ZNF479: variants seen among roughly 807,000 people sequenced by gnomAD.
ZNF479 encodes zinc finger protein 479.
Under a neutral mutation model 14.7 loss-of-function variants are expected in ZNF479, and 15 were observed. The ratio of observed to expected loss-of-function variants is 1.02; its 90% confidence interval spans 0.68 to 1.57. The LOEUF (loss-of-function observed/expected upper bound fraction) is 1.57, where lower values mean the gene tolerates loss of function less well. Among genes scored for constraint, ZNF479 ranks in the 40% most tolerant of loss-of-function variants. ZNF479 has a pLI of 0.00. For synonymous variants in ZNF479, 145 were observed against 211.5 expected (o/e 0.69, Z 2.73); for missense variants, 506 against 615.1 (o/e 0.82, Z 1.88).
At chr7:57,121,669 C>T (rs1322550919) in intron 3 of ZNF479, among the ~76,000 whole-genome samples, 2 of 152,154 alleles carry the variant, frequency 1.3e-5, no homozygotes, top group African/African-American at 4.8e-5. Flanking sequence ...ATCCCAGAAT[C>T]TCTACCAAAG....
chr7:57,130,797 T>A (rs1786380629), intron 1 of ZNF479, among the ~76,000 whole-genome samples: 1 of 152,178 alleles, frequency 6.6e-6, no homozygotes, highest in East Asian at 1.9e-4. Context: ...TGAAGACACA[T>A]GCACGCATAT....
At chr7:57,134,116 TCTGGAATAGGTG>T (rs1457682877), upstream of ZNF479, among the ~76,000 whole-genome samples, 3 of 152,156 alleles carry the variant, frequency 2.0e-5, no homozygotes, top group African/African-American at 7.2e-5. Context: ...AGAAACTGCA[TCTGGAATAGGTG>T]CTGGGTAAAA....
rs1785781309 is a variant in ZNF479 at position 57,118,792 on chromosome 7, G to A, written c.*1048C>T. On this transcript the variant is annotated 3_prime_UTR_variant, in exon 4 of 4. Transcript: ENST00000319636. ...TAAATGCTTTCCTGTACCATAAGGT[G>A]TGAGAATTTGTTAAAAGTTTTGCCA... is the stretch of plus-strand genomic sequence containing the variant. Among the ~76,000 whole-genome samples the A allele has an allele frequency of 6.6e-6, 1 of 152,210 alleles. No homozygotes were observed. Among genetic ancestry groups the A allele is most frequent in the South Asian group, 2.1e-4 (1 of 4,834 alleles).
chr7:57,134,665 C>CTTTTTTT (rs71053216), upstream of ZNF479, among the ~76,000 whole-genome samples: 165 of 106,492 alleles, frequency 1.5e-3, no homozygotes, highest in East Asian at 2.1e-3. Context: ...TTTCTTCTAT[C>CTTTTTTT]TTTTTTTTTT....
Position 57,120,087 on chromosome 7 carries a change from C to T in ZNF479, c.1328G>A (p.Gly443Asp), listed in dbSNP as rs539273283. The T allele has an allele frequency of 1.1e-5, 18 of 1,613,568 alleles. No homozygotes were observed. In the East Asian group the frequency reaches 4.0e-4, roughly 36 times the overall value. The change falls in exon 4 of 4, where the codon GGC becomes GAC. Residue 443 changes from glycine to aspartate, a missense_variant. Transcript: ENST00000319636. ...GGTTGAGGATAAGCTAAAGGCTTTGCCACATTCTTCACATTTGTAGGGTCT... is the reference window on the plus strand; with the variant it reads ...GGTTGAGGATAAGCTAAAGGCTTTGTCACATTCTTCACATTTGTAGGGTCT... ...GERPYKCEEC[G>D]KAFSLSSTLT...
intron 1 of ZNF479, among the ~76,000 whole-genome samples, chr7:57,127,341 G>C (rs1786219043): frequency 6.6e-6 from 1 of 152,062 alleles, no homozygotes; most frequent in Non-Finnish European, 1.5e-5. Flanking sequence ...CTATTTTTGA[G>C]TGCTATATTT....
In ZNF479 at chr7:57,118,486, C is replaced by A. The variant is rs1785772746; in HGVS notation, c.*1354G>T. Among the ~76,000 whole-genome samples, 1 of 152,246 alleles carries A rather than the reference C, an allele frequency of 6.6e-6. No homozygotes were observed. The highest frequency in any genetic ancestry group is 1.5e-5 in the Non-Finnish European group (1 of 68,024). Reference sequence around the variant, plus strand: ...TCCCCGGTTCAAGCAATTCTCCTACCTCTGCCTGCCAAGTAGCTGGGATTA... The same window carrying A: ...TCCCCGGTTCAAGCAATTCTCCTACATCTGCCTGCCAAGTAGCTGGGATTA... On this transcript the variant is annotated 3_prime_UTR_variant, in exon 4 of 4. Coordinates refer to ENST00000319636, the MANE Select transcript of ZNF479 (RefSeq NM_001370129.2).
At chr7:57,126,569 T>C (rs753112457) in intron 2 of ZNF479, 23 bp downstream of exon 2, 1 of 1,596,536 alleles carries the variant, frequency 6.3e-7, no homozygotes, top group East Asian at 2.2e-5. Flanking sequence ...ATATTAGGAA[T>C]TATGTACTGA....
intron 1 of ZNF479, among the ~76,000 whole-genome samples, chr7:57,129,557 C>T (rs1786328438): frequency 6.6e-6 from 1 of 152,150 alleles, no homozygotes; most frequent in South Asian, 2.1e-4. Context: ...ACAGGGACAA[C>T]AGAAGACAGT....
upstream of ZNF479, among the ~76,000 whole-genome samples, chr7:57,132,858 C>T (rs1351477266): frequency 6.6e-6 from 1 of 152,130 alleles, no homozygotes; most frequent in Non-Finnish European, 1.5e-5. Context: ...TAATTCTCGT[C>T]CGTGTGCAGT....
At chr7:57,136,770 C>G (rs1287932496), upstream of ZNF479, among the ~76,000 whole-genome samples, 2 of 152,106 alleles carry the variant, frequency 1.3e-5, no homozygotes, top group African/African-American at 4.8e-5. Context: ...GATTTGATAT[C>G]TGTGTGAATA....
Position 57,132,330 on chromosome 7 carries a change from T to C in ZNF479, c.-6A>G, listed in dbSNP as rs1786470150. On this transcript the variant is annotated 5_prime_UTR_variant, in exon 1 of 4. Coordinates refer to ENST00000319636, the MANE Select transcript of ZNF479 (RefSeq NM_001370129.2). ...GGTCCTGGTCTTTTAGCCATAAATC[T>C]GCAGATACCTGCAGGACACAAGGAC... 6.2e-7 allele frequency: 1 copy of C among 1,613,964 alleles called. No homozygotes were observed. Among genetic ancestry groups the C allele is most frequent in the African/African-American group, 1.3e-5 (1 of 74,894 alleles).
intron 1 of ZNF479, chr7:57,127,554 T>A (rs1786228107): frequency 1.0e-6 from 1 of 984,768 alleles, no homozygotes; most frequent in African/African-American, 1.7e-5. Flanking sequence ...TTGTCAAATA[T>A]CCAGTAAATG....
chr7:57,123,702 G>A (rs1273386515), intron 3 of ZNF479, among the ~76,000 whole-genome samples: 1 of 151,972 alleles, frequency 6.6e-6, no homozygotes, highest in Non-Finnish European at 1.5e-5. Context: ...GCATTGTGGG[G>A]TATGCCTCTA....
rs1554400233 is a variant in ZNF479 at position 57,120,632 on chromosome 7, T to C, written c.783A>G (p.Arg261=). The C allele has an allele frequency of 6.2e-7, 1 of 1,613,826 alleles. No individual in the cohort carries two copies. The highest frequency in any genetic ancestry group is 1.3e-5 in the African/African-American group (1 of 74,916). ...SWSANLTRHK[R]THTGEKPYTC... The stretch of plus-strand genomic sequence containing the variant: ...TGTAGGGTTTCTCTCCAGTATGAGT[T>C]CTCTTATGTCTAGTAAGGTTTGCAG... The change falls in exon 4 of 4, where the codon AGA becomes AGG. Residue 261 remains arginine, a synonymous_variant. Transcript: ENST00000319636.
intron 3 of ZNF479, among the ~76,000 whole-genome samples, chr7:57,123,298 CTA>C (rs1374553102): frequency 6.6e-6 from 1 of 152,138 alleles, no homozygotes; most frequent in African/African-American, 2.4e-5. Context: ...AGTGAGAACT[CTA>C]TGATTGTGCC....
rs1289807638 is a variant in ZNF479, at chr7:57,118,866, A to G, written c.*974T>C. ...TTCTTCAGTATAAACTATCTTACCT[A>G]CCATAACGTGTGACTACCATTTAAA... On this transcript the variant is annotated 3_prime_UTR_variant, in exon 4 of 4. Coordinates refer to ENST00000319636, the MANE Select transcript of ZNF479 (RefSeq NM_001370129.2). Among the ~76,000 whole-genome samples the G allele has an allele frequency of 2.6e-5, 4 of 152,184 alleles. No homozygotes were observed. Among genetic ancestry groups the G allele is most frequent in the African/African-American group, 9.6e-5 (4 of 41,458 alleles).
In ZNF479 at chr7:57,120,562, T is replaced by C. The variant is rs781969396; in HGVS notation, c.853A>G (p.Thr285Ala). 3.2e-5 allele frequency: 52 copies of C among 1,613,808 alleles called. No homozygotes were observed. The highest frequency in any genetic ancestry group is 4.4e-5 in the Non-Finnish European group (52 of 1,179,932). Residue 285 changes from threonine (T) to alanine (A), a missense_variant, in exon 4 of 4, where the codon ACT becomes GCT. Thr to Ala is a moderately conservative substitution (Grantham distance 58, BLOSUM62 0). This residue lies in a region of ZNF479 where 420 missense variants were observed against 474.2 expected (regional missense o/e 0.89). Transcript: ENST00000319636. ...GQAFRRSSAL[T>A]NHKRIHTGER... ...CCAGTATGAATTCTCTTGTGGTTAG[T>C]AAGTGCTGAGGAGCGCCTAAAGGCT...
chr7:57,126,088 C>T lies in ZNF479; in HGVS notation c.192G>A (p.Leu64=). Residue 64 remains leucine (L), a synonymous_variant, in exon 3 of 4, where the codon TTG becomes TTA. Coordinates refer to ENST00000319636, the MANE Select transcript of ZNF479 (RefSeq NM_001370129.2). ...SLGIAVSKPD[L]ITCLEQNKES... The stretch of plus-strand genomic sequence containing the variant: ...CTTTATTTTGCTCCAGACAGGTGAT[C>T]AAGTCTGGCTTAGAGACAGCAATAC... 6 of 1,602,648 alleles carry T rather than the reference C, an allele frequency of 3.7e-6. No homozygotes were observed. The highest frequency in any genetic ancestry group is 5.1e-6 in the Non-Finnish European group (6 of 1,179,696).
Sources: allele counts gnomAD v4.1 joint callset (sites outside exome capture counted in the v4.1 genomes callset), GRCh38; gene constraint gnomAD v4.1.1; regional missense constraint gnomAD v4.1.1; transcripts MANE v1.5; gene names NCBI Gene and HGNC (gene_info 2026-07-23, HGNC 2026-07-21).